IFTAP: variants seen among roughly 807,000 people sequenced by gnomAD.
IFTAP encodes the protein intraflagellar transport associated protein.
IFTAP carries 19 observed loss-of-function variants against 19.4 expected under a neutral mutation model. The observed-to-expected ratio is 0.98, with a 90% CI of 0.68 to 1.44. The LOEUF (loss-of-function observed/expected upper bound fraction) is 1.44. Among genes scored for constraint, IFTAP ranks in the 40% most tolerant of loss-of-function variants. The pLI is 0.00. For missense variants in IFTAP, 240 were observed against 253.6 expected (o/e 0.95, Z 0.36); for synonymous variants, 85 against 83.5 (o/e 1.02, Z -0.10).
intron 2 of IFTAP, among the ~76,000 whole-genome samples, chr11:36,621,252 T>A (rs1043389233): frequency 1.3e-4 from 20 of 149,880 alleles, no homozygotes; most frequent in Non-Finnish European, 2.4e-4. Context: ...TGAATGGTTT[T>A]AGCAAAATGT....
At chr11:36,625,916 G>T (rs888034525) in intron 2 of IFTAP, among the ~76,000 whole-genome samples, 3 of 145,244 alleles carry the variant, frequency 2.1e-5, no homozygotes, top group Non-Finnish European at 2.9e-5. Flanking sequence ...GAGTGCAAAG[G>T]CCAGGTCATA....
At chr11:36,619,414 A>T (rs1012584355) in intron 2 of IFTAP, among the ~76,000 whole-genome samples, 5 of 152,018 alleles carry the variant, frequency 3.3e-5, no homozygotes, top group Admixed American at 3.3e-4. Context: ...GCTTTTCCCA[A>T]TCTGAAGAAT....
At chr11:36,594,883 C>T (rs1851144443) in intron 1 of IFTAP, 1 of 152,226 alleles carries the variant, frequency 6.6e-6, no homozygotes, top group Admixed American at 6.5e-5. Flanking sequence ...CTTAGGAGCG[C>T]GACTCAAAAC....
chr11:36,606,932 C>T (rs955506412), intron 1 of IFTAP, among the ~76,000 whole-genome samples: 113 of 152,218 alleles, frequency 7.4e-4, no homozygotes, highest in African/African-American at 2.7e-3. Flanking sequence ...ACAGTTTATT[C>T]AGCTTTGCAT....
intron 2 of IFTAP, among the ~76,000 whole-genome samples, chr11:36,630,762 G>A (rs772072513): frequency 6.6e-6 from 1 of 151,194 alleles, no homozygotes; most frequent in Non-Finnish European, 1.5e-5. Context: ...TATTTTCTTA[G>A]TAATTACTAG....
chr11:36,624,886 G>A (rs1198333810), intron 2 of IFTAP, among the ~76,000 whole-genome samples: 1 of 152,132 alleles, frequency 6.6e-6, no homozygotes, highest in Non-Finnish European at 1.5e-5. Context: ...TGTTGCATGA[G>A]CGAGAAATAA....
intron 4 of IFTAP, 69 bp downstream of exon 4, chr11:36,636,186 G>T: frequency 1.6e-6 from 2 of 1,246,276 alleles, no homozygotes; most frequent in Non-Finnish European, 1.2e-6. Flanking sequence ...GCTTTAGACA[G>T]CTTTCCTGTT....
intron 5 of IFTAP, 77 bp downstream of exon 5, chr11:36,648,232 C>T (rs1276643971): frequency 2.7e-6 from 4 of 1,472,702 alleles, no homozygotes; most frequent in Middle Eastern, 1.8e-4. Context: ...ATGCTGCATG[C>T]TTCTGTATTT....
At chr11:36,648,468 C>T (rs916886097) in intron 5 of IFTAP, 8 of 216,698 alleles carry the variant, frequency 3.7e-5, no homozygotes, top group East Asian at 2.1e-4. Flanking sequence ...TTGAACTGGC[C>T]GTTTTTATTA....
chr11:36,610,849 C>T (rs1851854468), intron 2 of IFTAP, among the ~76,000 whole-genome samples: 1 of 152,080 alleles, frequency 6.6e-6, no homozygotes, highest in African/African-American at 2.4e-5. Flanking sequence ...GTTGTGGTTT[C>T]TGTAGAATGG....
chr11:36,649,005 A>G (rs9971465), intron 5 of IFTAP, among the ~76,000 whole-genome samples: 20,596 of 152,102 alleles, frequency 0.14, 2,140 homozygotes, highest in African/African-American at 0.29. Flanking sequence ...ATCAATAGAG[A>G]CTGTTGCTAG....
At chr11:36,623,335 G>T (rs905938633) in intron 2 of IFTAP, among the ~76,000 whole-genome samples, 1 of 150,852 alleles carries the variant, frequency 6.6e-6, no homozygotes, top group African/African-American at 2.4e-5. Context: ...AAGGTCTGTA[G>T]CTTTCATGAA....
chr11:36,616,073 A>G (rs1407486248), intron 2 of IFTAP, among the ~76,000 whole-genome samples: 1 of 151,992 alleles, frequency 6.6e-6, no homozygotes, highest in Non-Finnish European at 1.5e-5. Context: ...TTAGAAATTG[A>G]CATTAAATCT....
intron 2 of IFTAP, among the ~76,000 whole-genome samples, chr11:36,621,521 A>C (rs1590211812): frequency 1.3e-5 from 2 of 151,968 alleles, no homozygotes; most frequent in African/African-American, 4.8e-5. Flanking sequence ...TATCATTTTC[A>C]TGTGTTTTCC....
chr11:36,601,977 T>C (rs529186874), intron 1 of IFTAP, among the ~76,000 whole-genome samples: 1 of 152,312 alleles, frequency 6.6e-6, no homozygotes, highest in South Asian at 2.1e-4. Flanking sequence ...TCTTTGAGTA[T>C]AGAAACCATA....
chr11:36,658,587 T>C (rs1854091692), intron 5 of IFTAP, among the ~76,000 whole-genome samples: 1 of 152,224 alleles, frequency 6.6e-6, no homozygotes, highest in Non-Finnish European at 1.5e-5. Flanking sequence ...AAGTAAGTTT[T>C]ATTAATATAG....
At chr11:36,624,412 T>A (rs568865692) in intron 2 of IFTAP, among the ~76,000 whole-genome samples, 1 of 152,296 alleles carries the variant, frequency 6.6e-6, no homozygotes, top group South Asian at 2.1e-4. Context: ...GTCATATCCT[T>A]AAGACACGTG....
chr11:36,650,066 C>T (rs1405293078), intron 5 of IFTAP, among the ~76,000 whole-genome samples: 1 of 152,098 alleles, frequency 6.6e-6, no homozygotes, highest in Admixed American at 6.6e-5. Context: ...ACACTTCATC[C>T]CAAGCATTTT....
At chr11:36,628,438 T>C (rs1565018811) in intron 2 of IFTAP, among the ~76,000 whole-genome samples, 1 of 151,290 alleles carries the variant, frequency 6.6e-6, no homozygotes, top group East Asian at 1.9e-4. Context: ...AAACCAATTA[T>C]GATTTTACCA....
Sources: allele counts gnomAD v4.1 joint callset (sites outside exome capture counted in the v4.1 genomes callset), GRCh38; gene constraint gnomAD v4.1.1; transcripts MANE v1.5; gene names NCBI Gene and HGNC (gene_info 2026-07-23, HGNC 2026-07-21).